The following BCAT1 variants were observed in gnomAD, a reference collection of about 807,000 sequenced individuals.
BCAT1 encodes branched chain amino acid transaminase 1, also known as branched-chain-amino-acid aminotransferase, cytosolic.
BCAT1 carries 48 observed loss-of-function variants against 52.4 expected under a neutral mutation model. The observed-to-expected ratio is 0.92, with a 90% CI of 0.73 to 1.16. The LOEUF (loss-of-function observed/expected upper bound fraction) is 1.16, where lower values mean the gene tolerates loss of function less well. BCAT1 is among the 50% of genes most tolerant of loss of function. BCAT1 has a pLI of 0.00. For missense variants in BCAT1, 451 were observed against 457.1 expected (o/e 0.99, Z 0.12); for synonymous variants, 167 against 161.3 (o/e 1.04, Z -0.27).
chr12:24,899,998 G>A (rs184934864), intron 2 of BCAT1, among the ~76,000 whole-genome samples: 211 of 152,250 alleles, frequency 1.4e-3, no homozygotes, highest in Non-Finnish European at 2.2e-3. Context: ...TCATAGCAGA[G>A]TAGGGTGATT....
At chr12:24,910,742 C>A (rs1259272792) in intron 1 of BCAT1, among the ~76,000 whole-genome samples, 1 of 152,188 alleles carries the variant, frequency 6.6e-6, no homozygotes, top group African/African-American at 2.4e-5. Context: ...GTGTCACCCA[C>A]TATTTGTCAG....
chr12:24,896,074 G>A (rs1469713568), intron 2 of BCAT1, among the ~76,000 whole-genome samples: 3 of 151,864 alleles, frequency 2.0e-5, no homozygotes, highest in Non-Finnish European at 2.9e-5. Flanking sequence ...GGCTGGTCTC[G>A]AACTCCTGGG....
rs569258434 is a variant in BCAT1, at chr12:24,935,098, A to G, written c.6+13829T>C. Among the ~76,000 whole-genome samples, 6 of 152,254 alleles carry G rather than the reference A, an allele frequency of 3.9e-5. No individual in the cohort carries two copies. The East Asian group carries it at 1.2e-3, about 29-fold the overall frequency. On this transcript the variant is annotated intron_variant, in intron 1 of 10. Transcript: ENST00000261192. The stretch of plus-strand genomic sequence containing the variant: ...CCTTCTAGTCTGTGCCCAAGGTGAA[A>G]TGGATGTGGTAGTGATTCTTCCACA...
chr12:24,832,797 T>C lies in BCAT1; in HGVS notation c.970A>G (p.Arg324Gly). 6.2e-7 allele frequency: 1 copy of C among 1,612,208 alleles called. No individual in the cohort carries two copies. Among genetic ancestry groups the C allele is most frequent in the Non-Finnish European group, 8.5e-7 (1 of 1,179,046 alleles). ...DDLTTALEGN[R>G]VREMFGSGTA... ...CCAGAGCCAAACATCTCTCTCACTC[T>C]GTTCCCCTCCAGGGCTGTTGTCAAG... is the stretch of plus-strand genomic sequence containing the variant. The change falls in exon 9 of 11, where the codon AGA becomes GGA. Residue 324 changes from arginine to glycine, a missense_variant. Physicochemically the swap from Arg to Gly is moderately radical, Grantham distance 125. Coordinates refer to ENST00000261192, the MANE Select transcript of BCAT1 (RefSeq NM_005504.7).
intron 1 of BCAT1, among the ~76,000 whole-genome samples, chr12:24,925,206 C>G (rs1943559961): frequency 6.6e-6 from 1 of 152,072 alleles, no homozygotes. Context: ...GCCTTAACAG[C>G]AAAAAAGACG....
In BCAT1 at chr12:24,842,100, A is replaced by G. The variant is rs1004172043; in HGVS notation, c.799T>C (p.Trp267Arg). Residue 267 changes from tryptophan to arginine, a missense_variant, in exon 7 of 11, where the codon TGG becomes CGG. Transcript: ENST00000261192. The part of the protein sequence containing the change: ...EVGTMNLFLY[W>R]INEDGEEELA... ...GGATTACCTCCATCTTCATTTATCCAGTAAAGAAAAAGATTCATAGTTCCC... is the reference window on the plus strand; with the variant it reads ...GGATTACCTCCATCTTCATTTATCCGGTAAAGAAAAAGATTCATAGTTCCC... 4 of 1,613,756 alleles carry G rather than the reference A, an allele frequency of 2.5e-6. No individual in the cohort carries two copies. The highest frequency in any genetic ancestry group is 3.4e-6 in the Non-Finnish European group (4 of 1,179,822).
intron 7 of BCAT1, among the ~76,000 whole-genome samples, chr12:24,837,436 A>ATTT (rs35427447): frequency 1.6e-5 from 2 of 121,932 alleles, no homozygotes; most frequent in Admixed American, 8.5e-5. Context: ...GGAAAGTCTA[A>ATTT]TTTTTTTTTT....
intron 1 of BCAT1, among the ~76,000 whole-genome samples, chr12:24,907,956 T>C (rs980260900): frequency 2.6e-5 from 4 of 152,198 alleles, no homozygotes; most frequent in Non-Finnish European, 4.4e-5. Context: ...GCCTATATTA[T>C]TCACCTAGCC....
chr12:24,856,164 C>A (rs1308158654), intron 5 of BCAT1, among the ~76,000 whole-genome samples: 1 of 152,192 alleles, frequency 6.6e-6, no homozygotes, highest in Non-Finnish European at 1.5e-5. Flanking sequence ...CTGTTTGCTT[C>A]TTGACCTGCA....
chr12:24,834,855 T>G, intron 8 of BCAT1: 1 of 1,013,294 alleles, frequency 9.9e-7, no homozygotes, highest in Non-Finnish European at 1.2e-6. Context: ...AGCAGAATTG[T>G]TTTTGCTCTG....
intron 1 of BCAT1, among the ~76,000 whole-genome samples, chr12:24,947,713 G>A (rs1407391402): frequency 2.0e-5 from 3 of 152,202 alleles, no homozygotes; most frequent in Non-Finnish European, 2.9e-5. Flanking sequence ...ACAAAAACGC[G>A]TAATTAACCA....
At chr12:24,895,962 T>G (rs1942951302) in intron 2 of BCAT1, among the ~76,000 whole-genome samples, 1 of 152,214 alleles carries the variant, frequency 6.6e-6, no homozygotes, top group Admixed American at 6.5e-5. Context: ...CTTTGTAATA[T>G]GCCAATAAAA....
chr12:24,931,565 A>G (rs1943675911), intron 1 of BCAT1, among the ~76,000 whole-genome samples: 1 of 152,212 alleles, frequency 6.6e-6, no homozygotes, highest in Non-Finnish European at 1.5e-5. Context: ...CATAAAAAGG[A>G]CCTGAAATAC....
intron 1 of BCAT1, among the ~76,000 whole-genome samples, chr12:24,931,593 C>T (rs11047708): frequency 0.39 from 58,909 of 151,952 alleles, 12,060 homozygotes; most frequent in Middle Eastern, 0.64. Context: ...TTTGGACTTC[C>T]TATCAGTAAC....
chr12:24,871,595 G>A (rs1053517826), intron 5 of BCAT1, among the ~76,000 whole-genome samples: 3 of 152,100 alleles, frequency 2.0e-5, no homozygotes, highest in African/African-American at 7.2e-5. Flanking sequence ...TGGAGAGAGA[G>A]GAAATGAGAG....
At chr12:24,904,485 G>A (rs1198950251) in intron 1 of BCAT1, 2 of 152,438 alleles carry the variant, frequency 1.3e-5, no homozygotes, top group African/African-American at 4.8e-5. Flanking sequence ...TTACAGGCGT[G>A]AGCCACGGCG....
At position 24,826,096 on chromosome 12, in the gene BCAT1, T is replaced by C. The variant is rs1346765366; in HGVS notation, c.1119+3727A>G. ...ATGTGGTGGCATGCACCTGTGGTTCTAGCTACATGGAAAGCCAAGGTGGGA... is the reference window on the plus strand; with the variant it reads ...ATGTGGTGGCATGCACCTGTGGTTCCAGCTACATGGAAAGCCAAGGTGGGA... On this transcript the variant is annotated intron_variant, in intron 10 of 10. Transcript: ENST00000261192. Among the ~76,000 whole-genome samples, 3 of 152,068 alleles carry C rather than the reference T, an allele frequency of 2.0e-5. No homozygotes were observed. The East Asian group carries it at 5.8e-4, about 29-fold the overall frequency.
intron 5 of BCAT1, among the ~76,000 whole-genome samples, chr12:24,868,660 G>GA (rs1223547034): frequency 6.6e-6 from 1 of 151,976 alleles, no homozygotes; most frequent in Non-Finnish European, 1.5e-5. Flanking sequence ...TCATTTAAAT[G>GA]AAAAAAAGCA....
At chr12:24,870,652 G>A (rs1475648931) in intron 5 of BCAT1, among the ~76,000 whole-genome samples, 5 of 152,242 alleles carry the variant, frequency 3.3e-5, no homozygotes, top group Non-Finnish European at 7.3e-5. Context: ...CGGGATGGAG[G>A]TTAAGAGAAT....
Sources: gnomAD v4.1 joint callset for allele counts (sites outside exome capture counted in the v4.1 genomes callset) on GRCh38, gnomAD v4.1.1 for gene constraint, MANE v1.5 for transcripts, NCBI Gene and HGNC (gene_info 2026-07-23, HGNC 2026-07-21) for gene names.